Variants in WDR11 observed in about 807,000 individuals in gnomAD.
WDR11 encodes WD repeat-containing protein 11.
Under a neutral mutation model 151.2 loss-of-function variants are expected in WDR11, and 83 were observed. The ratio of observed to expected loss-of-function variants is 0.55; its 90% CI spans 0.46 to 0.66. WDR11 has a LOEUF of 0.66. WDR11 is among the 30% of genes least tolerant of loss of function. The pLI, the probability that WDR11 is intolerant of heterozygous loss-of-function variation, is 0.00. For synonymous variants in WDR11, 484 were observed against 533.1 expected (o/e 0.91, Z 1.27); for missense variants, 1,301 against 1,480.9 (o/e 0.88, Z 1.99).
chr10:120,862,360 G>A (rs572064551), intron 4 of WDR11: 54 of 201,066 alleles, frequency 2.7e-4, no homozygotes, highest in Middle Eastern at 2.1e-3. Context: ...GGCTGGTCTC[G>A]AACTCCTGAC....
At chr10:120,856,781 A>T (rs1402302299) in intron 2 of WDR11, among the ~76,000 whole-genome samples, 2 of 152,122 alleles carry the variant, frequency 1.3e-5, no homozygotes, top group African/African-American at 2.4e-5. Context: ...CAACATATAC[A>T]TATACAAATA....
intron 9 of WDR11, among the ~76,000 whole-genome samples, chr10:120,869,505 T>C (rs1257437373): frequency 6.9e-6 from 1 of 145,128 alleles, no homozygotes; most frequent in Non-Finnish European, 1.5e-5. Flanking sequence ...AGCTTCGTAC[T>C]TGAAAACATT....
At chr10:120,863,615 A>G (rs1442408456) in intron 5 of WDR11, among the ~76,000 whole-genome samples, 1 of 152,188 alleles carries the variant, frequency 6.6e-6, no homozygotes, top group Non-Finnish European at 1.5e-5. Context: ...GATGTATTCA[A>G]AATAGGTTTC....
At chr10:120,877,932 A>G (rs1375495724) in intron 11 of WDR11, among the ~76,000 whole-genome samples, 1 of 152,206 alleles carries the variant, frequency 6.6e-6, no homozygotes, top group African/African-American at 2.4e-5. Flanking sequence ...ATAAACAGAG[A>G]AAGCCTTTGA....
rs754735278 is a variant in WDR11 at position 120,866,777 on chromosome 10, A to G, written c.1190+13A>G. On this transcript the variant is annotated intron_variant, in intron 8 of 28. Transcript: ENST00000263461. ...ATTCACGGAACAGGTAAATGAATCA[A>G]CAGGATCATGGTTTTGTTTTTTGTT... is the stretch of plus-strand genomic sequence containing the variant. 2.5e-5 allele frequency: 41 copies of G among 1,613,950 alleles called. 2 individuals carry two copies. The South Asian group carries it at 4.0e-4, about 16-fold the overall frequency.
chr10:120,853,653 T>A (rs1845856261), intron 2 of WDR11, among the ~76,000 whole-genome samples: 1 of 152,078 alleles, frequency 6.6e-6, no homozygotes, highest in South Asian at 2.1e-4. Flanking sequence ...GCTGAAGAAA[T>A]GCAAGACTGG....
chr10:120,898,604 G>C (rs377749562), intron 19 of WDR11, among the ~76,000 whole-genome samples: 83 of 152,162 alleles, frequency 5.5e-4, no homozygotes, highest in African/African-American at 1.8e-3. Context: ...CAGCTGGTAG[G>C]GGGTGATTGG....
chr10:120,905,184 A>AAC, intron 25 of WDR11, 135 bp from the exon 26 acceptor site: 1 of 857,686 alleles, frequency 1.2e-6, no homozygotes, highest in Non-Finnish European at 1.9e-6. Context: ...ATGTTTCAGA[A>AAC]TTTAAATCAA....
Position 120,871,350 on chromosome 10 carries a change from A to G in WDR11, c.1471+4A>G. The G allele has an allele frequency of 6.2e-7, 1 of 1,613,256 alleles. No individual in the cohort carries two copies. Among genetic ancestry groups the G allele is most frequent in the Non-Finnish European group, 8.5e-7 (1 of 1,179,624 alleles). The stretch of plus-strand genomic sequence containing the variant: ...TATCAGCCACTGCTGGCTGTTGGTG[A>G]GTATTTGACCTGGTCTTTTTTTTTT... On this transcript the variant is annotated splice_donor_region_variant and intron_variant, in intron 10 of 28. Coordinates refer to ENST00000263461, the MANE Select transcript of WDR11 (RefSeq NM_018117.12).
intron 23 of WDR11, 42 bp from the exon 24 acceptor site, chr10:120,904,005 C>T: frequency 7.5e-7 from 1 of 1,338,296 alleles, no homozygotes; most frequent in Non-Finnish European, 1.1e-6. Context: ...ATTCCAAACT[C>T]TTATAATCCA....
chr10:120,908,764 C>T lies in WDR11; in HGVS notation c.*51C>T. The T allele has an allele frequency of 6.2e-7, 1 of 1,604,688 alleles. No homozygotes were observed. The highest frequency in any genetic ancestry group is 8.5e-7 in the Non-Finnish European group (1 of 1,173,250). On this transcript the variant is annotated 3_prime_UTR_variant, in exon 29 of 29. Coordinates refer to ENST00000263461, the MANE Select transcript of WDR11 (RefSeq NM_018117.12). ...GACCTGGAAGGCAGATGGGAGGGGG[C>T]TGGTCTGGCTGTGGCCACCGTCACA...
chr10:120,880,662 A>T, intron 12 of WDR11, 164 bp from the exon 13 acceptor site: 1 of 674,408 alleles, frequency 1.5e-6, no homozygotes, highest in Non-Finnish European at 2.5e-6. Flanking sequence ...ATCTCAAAAA[A>T]AAAAACCCGA....
chr10:120,893,855 T>C lies in WDR11; in HGVS notation c.2515+2968T>C, dbSNP rs369558521. Among the ~76,000 whole-genome samples the C allele has an allele frequency of 9.5e-4, 144 of 151,236 alleles. 2 individuals carry two copies. In the East Asian group the frequency reaches 0.026, roughly 28 times the overall value. On this transcript the variant is annotated intron_variant, in intron 19 of 28. Coordinates refer to ENST00000263461, the MANE Select transcript of WDR11 (RefSeq NM_018117.12). ...TTCATATCCTTCGCCCACTTTTTGA[T>C]GGGGTTGTTTGTTTTTTTCTTGTAA...
At position 120,896,953 on chromosome 10, in the gene WDR11, A is replaced by G. The variant is rs188329203; in HGVS notation, c.2516-3076A>G. Among the ~76,000 whole-genome samples, 10 of 152,328 alleles carry G rather than the reference A, an allele frequency of 6.6e-5. No individual in the cohort carries two copies. The East Asian group carries it at 1.9e-3, about 29-fold the overall frequency. ...ACTTTGCAAGTTCCATTTCCAGGCT[A>G]AAAGGAGCCAGAGCTCTTTGGACAA... On this transcript the variant is annotated intron_variant, in intron 19 of 28. Coordinates refer to ENST00000263461, the MANE Select transcript of WDR11 (RefSeq NM_018117.12).
intron 16 of WDR11, among the ~76,000 whole-genome samples, chr10:120,887,315 T>C (rs7067877): frequency 0.37 from 56,574 of 152,024 alleles, 10,620 homozygotes; most frequent in Admixed American, 0.44. Flanking sequence ...TTACATATAT[T>C]CTTATGGCCT....
intron 27 of WDR11, chr10:120,906,353 G>A (rs1269531792): frequency 5.6e-6 from 7 of 1,256,236 alleles, no homozygotes; most frequent in South Asian, 1.7e-5. Flanking sequence ...GGGGAGAGGC[G>A]ACAGAAGGCA....
At chr10:120,880,680 G>T in intron 12 of WDR11, 146 bp from the exon 13 acceptor site, 1 of 754,936 alleles carries the variant, frequency 1.3e-6, no homozygotes, top group Non-Finnish European at 2.1e-6. Flanking sequence ...CGAAAAAACA[G>T]AAACAGATTA....
chr10:120,854,292 G>A (rs1011103593), intron 2 of WDR11, among the ~76,000 whole-genome samples: 1 of 152,138 alleles, frequency 6.6e-6, no homozygotes, highest in Non-Finnish European at 1.5e-5. Flanking sequence ...GTGGTCTTTT[G>A]TGCATGACTT....
Position 120,908,841 on chromosome 10 carries a change from T to A in WDR11, c.*128T>A, listed in dbSNP as rs1848177366. On this transcript the variant is annotated 3_prime_UTR_variant, in exon 29 of 29. Transcript: ENST00000263461. ...CCTGTGAGCTGTTTGACCACTGTTC[T>A]AAGACTATGTGTGCCCAAAAGCACA... The A allele has an allele frequency of 2.0e-6, 2 of 983,164 alleles. No individual in the cohort carries two copies. Among genetic ancestry groups the A allele is most frequent in the Non-Finnish European group, 3.2e-6 (2 of 628,204 alleles). 60.9% of individuals were successfully genotyped at this position (983,164 alleles called of 1,614,324 possible).
Sources: allele counts gnomAD v4.1 joint callset (sites outside exome capture counted in the v4.1 genomes callset), GRCh38; gene constraint gnomAD v4.1.1; transcripts MANE v1.5; gene names NCBI Gene and HGNC (gene_info 2026-07-23, HGNC 2026-07-21).